Variants in USP24 observed in about 807,000 individuals in gnomAD.
USP24 encodes ubiquitin carboxyl-terminal hydrolase 24.
A neutral mutation model predicts 361.6 loss-of-function variants in USP24; 97 were observed. The observed-to-expected ratio is 0.27, with a 90% CI of 0.23 to 0.32. USP24 has a LOEUF of 0.32. Ranked by LOEUF, USP24 falls within the 10% of genes least tolerant of loss-of-function variation. The pLI is 1.00. For missense variants in USP24, 2,353 were observed against 3,165.6 expected (o/e 0.74, Z 6.16); for synonymous variants, 1,098 against 1,124.6 (o/e 0.98, Z 0.47).
At chr1:55,153,991 T>C (rs1382611979) in intron 15 of USP24, 74 bp from the exon 16 acceptor site, 2 of 1,548,054 alleles carry the variant, frequency 1.3e-6, no homozygotes, top group South Asian at 1.2e-5. Context: ...TCTTGGACTT[T>C]AAGGTAAGAG....
Position 55,068,815 on chromosome 1 carries a change from G to A in USP24, c.*230C>T, listed in dbSNP as rs570794394. 7.0e-5 allele frequency: 38 copies of A among 545,474 alleles called. No homozygotes were observed. Among genetic ancestry groups the A allele is most frequent in the African/African-American group, 6.6e-4 (35 of 52,714 alleles). The allele number at this position is 545,474 out of a possible 1,614,324, so 33.8% of individuals were successfully genotyped here. A position where few individuals can be genotyped will look rare whatever the true frequency, so the allele number is the denominator to read the frequency against. On this transcript the variant is annotated 3_prime_UTR_variant, in exon 68 of 68. Transcript: ENST00000294383. ...AAATGTGAATCCACATATAGACCAC[G>A]CTCCCGGGACAGCTGATCCACATGC...
chr1:55,174,440 T>C (rs2100811188), intron 3 of USP24, among the ~76,000 whole-genome samples: 1 of 152,338 alleles, frequency 6.6e-6, no homozygotes, highest in Non-Finnish European at 1.5e-5. Flanking sequence ...TGCAAAAGAA[T>C]TTAATATTTT....
chr1:55,161,589 C>CT (rs1415406352), intron 8 of USP24, among the ~76,000 whole-genome samples: 1 of 152,054 alleles, frequency 6.6e-6, no homozygotes. Flanking sequence ...GGTCCACAGA[C>CT]TTATTTATAA....
chr1:55,140,485 C>T (rs1646857007), intron 24 of USP24, among the ~76,000 whole-genome samples: 1 of 152,172 alleles, frequency 6.6e-6, no homozygotes, highest in Admixed American at 6.5e-5. Flanking sequence ...TCTATCATTA[C>T]TTCTGCCATT....
At chr1:55,156,365 G>A (rs1405435957) in intron 12 of USP24, among the ~76,000 whole-genome samples, 2 of 151,730 alleles carry the variant, frequency 1.3e-5, no homozygotes, top group African/African-American at 4.8e-5. Flanking sequence ...TGAGAAAAGG[G>A]CTAAGAACTA....
intron 60 of USP24, among the ~76,000 whole-genome samples, chr1:55,079,260 C>T (rs1056998308): frequency 2.0e-5 from 3 of 152,124 alleles, no homozygotes; most frequent in African/African-American, 7.2e-5. Context: ...AAACCCTCTA[C>T]AATTAACGAA....
intron 12 of USP24, among the ~76,000 whole-genome samples, chr1:55,156,155 C>G (rs1292597832): frequency 6.6e-6 from 1 of 151,974 alleles, no homozygotes; most frequent in Non-Finnish European, 1.5e-5. Context: ...ATGAAATAGA[C>G]TGGAGAATGA....
At chr1:55,182,990 A>G (rs1199673697) in intron 1 of USP24, among the ~76,000 whole-genome samples, 3 of 152,178 alleles carry the variant, frequency 2.0e-5, no homozygotes, top group Admixed American at 2.0e-4. Context: ...AAGTGCTGGG[A>G]TTACAGGTGT....
chr1:55,159,423 A>T (rs1648035713), intron 9 of USP24, among the ~76,000 whole-genome samples, 188 bp downstream of exon 9: 1 of 152,210 alleles, frequency 6.6e-6, no homozygotes, highest in South Asian at 2.1e-4. Context: ...AACTCTATTG[A>T]CTAGAGGTAA....
chr1:55,208,183 AACAC>A (rs1204021587), intron 1 of USP24, among the ~76,000 whole-genome samples: 2 of 152,348 alleles, frequency 1.3e-5, no homozygotes, highest in African/African-American at 4.8e-5. Context: ...TCTCACACAT[AACAC>A]ACACAGAGAA....
At chr1:55,196,465 C>G (rs1644421234) in intron 1 of USP24, among the ~76,000 whole-genome samples, 1 of 152,066 alleles carries the variant, frequency 6.6e-6, no homozygotes, top group Non-Finnish European at 1.5e-5. Context: ...TTGGTGTGAT[C>G]CACTGTAATA....
chr1:55,159,439 A>T (rs2100758990), intron 9 of USP24, among the ~76,000 whole-genome samples, 172 bp downstream of exon 9: 1 of 152,340 alleles, frequency 6.6e-6, no homozygotes, highest in South Asian at 2.1e-4. Flanking sequence ...GGTAACAACC[A>T]CCAATGGTGC....
chr1:55,197,235 A>C (rs1169560725), intron 1 of USP24, among the ~76,000 whole-genome samples: 1 of 152,120 alleles, frequency 6.6e-6, no homozygotes, highest in African/African-American at 2.4e-5. Flanking sequence ...AGCCCTTATC[A>C]TACCCCCTAC....
chr1:55,083,358 T>C lies in USP24; in HGVS notation c.6889A>G (p.Ile2297Val), dbSNP rs763873194. 1.2e-6 allele frequency: 2 copies of C among 1,613,372 alleles called. No individual in the cohort carries two copies. The highest frequency in any genetic ancestry group is 1.7e-5 in the Admixed American group (1 of 59,956). ...CTCAGAAGAAGATCTCCAGCCCTAA[T>C]TCCTTGCTGTCACAAGATATTGAGA... The part of the protein sequence containing the change: ...LFNTFVQKQG[I>V]RAGDLLLRHS... Residue 2297 changes from isoleucine (I) to valine (V), a missense_variant, in exon 58 of 68, where the codon ATT (isoleucine) becomes GTT (valine). Ile to Val is a conservative substitution (Grantham distance 29, BLOSUM62 3). Coordinates refer to ENST00000294383, the MANE Select transcript of USP24 (RefSeq NM_015306.3).
rs368687662 is a variant in USP24, at chr1:55,121,569, T to C, written c.4277-63A>G. 1.9e-4 allele frequency: 269 copies of C among 1,399,814 alleles called. No individual in the cohort carries two copies. In the African/African-American group the frequency reaches 3.4e-3, roughly 18 times the overall value. The allele number at this position is 1,399,814 out of a possible 1,614,324, so 86.7% of individuals were successfully genotyped here. On this transcript the variant is annotated intron_variant, in intron 36 of 67. Coordinates refer to ENST00000294383, the MANE Select transcript of USP24 (RefSeq NM_015306.3). Reference sequence around the variant, plus strand: ...AAGTTAGGTAATGCATTTTCAAATTTTGATTAATTTCTTAAGCTCAACTTA... The same window carrying C: ...AAGTTAGGTAATGCATTTTCAAATTCTGATTAATTTCTTAAGCTCAACTTA...
At chr1:55,081,264 T>C (rs1570355623) in intron 59 of USP24, 58 bp downstream of exon 59, 2 of 1,504,936 alleles carry the variant, frequency 1.3e-6, no homozygotes, top group Non-Finnish European at 1.8e-6. Flanking sequence ...GCTAATATAA[T>C]TACTCTCCAA....
intron 30 of USP24, among the ~76,000 whole-genome samples, chr1:55,133,490 T>C (rs1231986362): frequency 1.3e-5 from 2 of 152,148 alleles, no homozygotes; most frequent in Non-Finnish European, 2.9e-5. Context: ...GGCTTCCTAA[T>C]ATATAACATG....
chr1:55,159,114 G>T, intron 9 of USP24, 78 bp from the exon 10 acceptor site: 1 of 1,235,436 alleles, frequency 8.1e-7, no homozygotes, highest in Non-Finnish European at 1.1e-6. Flanking sequence ...ACATACACAA[G>T]AATATAGGGT....
chr1:55,154,813 T>G (rs1647457311), intron 12 of USP24, 35 bp from the exon 13 acceptor site: 1 of 1,558,140 alleles, frequency 6.4e-7, no homozygotes, highest in Admixed American at 1.8e-5. Context: ...AATTAAGTCT[T>G]GGAACTCGGA....
Sources: allele counts gnomAD v4.1 joint callset (sites outside exome capture counted in the v4.1 genomes callset), GRCh38; gene constraint gnomAD v4.1.1; transcripts MANE v1.5; gene names NCBI Gene and HGNC (gene_info 2026-07-23, HGNC 2026-07-21).